RNF217: variants seen among roughly 807,000 people sequenced by gnomAD.
The protein encoded by RNF217 is E3 ubiquitin-protein ligase RNF217.
A neutral mutation model predicts 57.8 loss-of-function variants in RNF217; 31 were observed. The ratio of observed to expected loss-of-function variants is 0.54; its 90% CI spans 0.40 to 0.72. The LOEUF (loss-of-function observed/expected upper bound fraction) is 0.72. RNF217 is among the 30% of genes least tolerant of loss of function. RNF217 has a pLI of 0.00. For missense variants in RNF217, 696 were observed against 708.3 expected (o/e 0.98, Z 0.20); for synonymous variants, 313 against 294.0 (o/e 1.06, Z -0.66).
intron 3 of RNF217, among the ~76,000 whole-genome samples, chr6:125,067,831 C>T (rs1787992109): frequency 6.6e-6 from 1 of 152,038 alleles, no homozygotes; most frequent in African/African-American, 2.4e-5. Context: ...GAAGTGATCA[C>T]TCAAGGAGCA....
In RNF217 at chr6:124,963,256, A is replaced by G. The variant is rs1783377395; in HGVS notation, c.712A>G (p.Ser238Gly). The change falls in exon 1 of 6, where the codon AGC (serine) becomes GGC (glycine). Residue 238 changes from serine (S) to glycine (G), a missense_variant. Coordinates refer to ENST00000521654, the MANE Select transcript of RNF217 (RefSeq NM_001286398.3). Reference protein sequence around the residue: ...YLAPEPFSMPSLLGAPPYSGL... With the variant: ...YLAPEPFSMPGLLGAPPYSGL... ...GGCGCCCGAGCCGTTCTCCATGCCC[A>G]GCCTGTTGGGAGCTCCACCCTACTC... 6.5e-7 allele frequency: 1 copy of G among 1,535,884 alleles called. No individual in the cohort carries two copies. Among genetic ancestry groups the G allele is most frequent in the Non-Finnish European group, 8.7e-7 (1 of 1,146,898 alleles).
At chr6:125,052,316 G>T (rs1297557803) in intron 2 of RNF217, among the ~76,000 whole-genome samples, 1,593 of 145,812 alleles carry the variant, frequency 0.011, 34 homozygotes, top group African/African-American at 0.041. Flanking sequence ...GTGTGTGTGT[G>T]TGTGGTTTTA....
chr6:125,039,824 T>G (rs1411432120), intron 1 of RNF217, among the ~76,000 whole-genome samples: 1 of 152,120 alleles, frequency 6.6e-6, no homozygotes, highest in Non-Finnish European at 1.5e-5. Flanking sequence ...ACATAGAAAT[T>G]GAACAACCTG....
At position 125,081,555 on chromosome 6, in the gene RNF217, A is replaced by G. The variant is rs754589515; in HGVS notation, c.1555+48A>G. ...GAGATTAGAATTATCTGAGGGCCATAGAGAGAATACGAGTGTAAATGTAAT... is the reference window on the plus strand; with the variant it reads ...GAGATTAGAATTATCTGAGGGCCATGGAGAGAATACGAGTGTAAATGTAAT... On this transcript the variant is annotated intron_variant, in intron 5 of 5. Transcript: ENST00000521654. 3 of 1,410,750 alleles carry G rather than the reference A, an allele frequency of 2.1e-6. No individual in the cohort carries two copies. In the South Asian group the frequency reaches 3.6e-5, roughly 17 times the overall value. The allele number at this position is 1,410,750 out of a possible 1,614,324, so 87.4% of individuals were successfully genotyped here.
chr6:124,967,969 G>C (rs1001524507), intron 1 of RNF217, among the ~76,000 whole-genome samples: 9 of 151,954 alleles, frequency 5.9e-5, no homozygotes, highest in African/African-American at 2.4e-5. Flanking sequence ...TAGTAGAGAC[G>C]GGGTTTCACC....
At chr6:125,018,886 T>C (rs1183707138) in intron 1 of RNF217, among the ~76,000 whole-genome samples, 1 of 152,150 alleles carries the variant, frequency 6.6e-6, no homozygotes, top group East Asian at 1.9e-4. Flanking sequence ...AGGGAATCTA[T>C]GGAGAATCCA....
At chr6:125,010,968 G>A (rs919764198) in intron 1 of RNF217, among the ~76,000 whole-genome samples, 1 of 152,150 alleles carries the variant, frequency 6.6e-6, no homozygotes, top group Non-Finnish European at 1.5e-5. Context: ...GTTATAACCT[G>A]AGAAGGTTGA....
At chr6:124,964,848 A>G (rs1783474894) in intron 1 of RNF217, among the ~76,000 whole-genome samples, 1 of 152,226 alleles carries the variant, frequency 6.6e-6, no homozygotes, top group Admixed American at 6.5e-5. Context: ...GCCCGCCTCC[A>G]GGGAAGTCAC....
intron 1 of RNF217, among the ~76,000 whole-genome samples, chr6:125,008,110 G>T (rs1016772297): frequency 6.6e-6 from 1 of 152,002 alleles, no homozygotes; most frequent in African/African-American, 2.4e-5. Flanking sequence ...CAAAAAATTA[G>T]CTGGGCCTGG....
At chr6:125,062,003 G>T (rs1315471344) in intron 3 of RNF217, among the ~76,000 whole-genome samples, 1 of 151,702 alleles carries the variant, frequency 6.6e-6, no homozygotes, top group South Asian at 2.1e-4. Context: ...CTCATCAATT[G>T]ATTTGTAATT....
chr6:125,048,143 G>T, intron 2 of RNF217: 1 of 1,275,904 alleles, frequency 7.8e-7, no homozygotes, highest in Non-Finnish European at 1.0e-6. Context: ...ACCTGTCTGG[G>T]TATTATAGGT....
chr6:125,077,786 T>C (rs1237715416), intron 4 of RNF217, among the ~76,000 whole-genome samples: 1 of 152,170 alleles, frequency 6.6e-6, no homozygotes, highest in Non-Finnish European at 1.5e-5. Flanking sequence ...ATCTTCCACA[T>C]TTCCGTTTTC....
intron 1 of RNF217, among the ~76,000 whole-genome samples, chr6:125,028,090 T>C (rs1387101416): frequency 6.6e-6 from 1 of 152,200 alleles, no homozygotes; most frequent in Non-Finnish European, 1.5e-5. Flanking sequence ...CTCTTCACTT[T>C]GTTGGTTATA....
chr6:124,975,196 A>G (rs1368152868), intron 1 of RNF217, among the ~76,000 whole-genome samples: 2 of 152,162 alleles, frequency 1.3e-5, no homozygotes, highest in Non-Finnish European at 2.9e-5. Flanking sequence ...CATGAAACTC[A>G]TGAGCTCTGA....
chr6:125,089,036 G>A lies in RNF217; in HGVS notation c.*6099G>A, dbSNP rs1337619718. On this transcript the variant is annotated 3_prime_UTR_variant, in exon 6 of 6. Transcript: ENST00000521654. ...TAATGAAATGAATTCAACACTGAAC[G>A]CACTCCAGAATTTAGCTCTGGTAGT... 6.6e-6 allele frequency: 1 copy of A among 152,484 alleles called. No individual in the cohort carries two copies. The highest frequency in any genetic ancestry group is 2.4e-5 in the African/African-American group (1 of 41,404). The allele number at this position is 152,484 out of a possible 1,614,324, so 9.4% of individuals were successfully genotyped here.
intron 3 of RNF217, among the ~76,000 whole-genome samples, chr6:125,065,673 G>A (rs1400530110): frequency 6.6e-6 from 1 of 152,178 alleles, no homozygotes; most frequent in Non-Finnish European, 1.5e-5. Flanking sequence ...TGTGGGTGCT[G>A]ATGGAGACAT....
intron 1 of RNF217, among the ~76,000 whole-genome samples, chr6:125,032,627 G>A (rs545305363): frequency 4.6e-4 from 70 of 152,180 alleles, no homozygotes; most frequent in African/African-American, 1.5e-3. Flanking sequence ...GGAAGGAAAC[G>A]ACAACCATTT....
chr6:125,053,836 TCTTGAAGCA>T, intron 2 of RNF217, among the ~76,000 whole-genome samples: 1 of 152,158 alleles, frequency 6.6e-6, no homozygotes, highest in African/African-American at 2.4e-5. Context: ...ATAACTTTAT[TCTTGAAGCA>T]CTTGAAGCCC....
chr6:125,074,651 ACTCTT>A (rs1788297130), intron 3 of RNF217, among the ~76,000 whole-genome samples: 3 of 151,818 alleles, frequency 2.0e-5, no homozygotes, highest in South Asian at 4.2e-4. Flanking sequence ...CTTTCACAGA[ACTCTT>A]CTCTTTTTCC....
Sources: gnomAD v4.1 joint callset for allele counts (sites outside exome capture counted in the v4.1 genomes callset) on GRCh38, gnomAD v4.1.1 for gene constraint, MANE v1.5 for transcripts, NCBI Gene and HGNC (gene_info 2026-07-23, HGNC 2026-07-21) for gene names.